Variants in PIK3CA observed in about 807,000 individuals in gnomAD.
PIK3CA encodes phosphatidylinositol-4,5-bisphosphate 3-kinase catalytic subunit alpha, also known as phosphatidylinositol 4,5-bisphosphate 3-kinase catalytic subunit alpha isoform.
Under a neutral mutation model 138.2 loss-of-function variants are expected in PIK3CA, and 27 were observed. The ratio of observed to expected loss-of-function variants is 0.20; its 90% CI spans 0.14 to 0.27. The LOEUF (loss-of-function observed/expected upper bound fraction) is 0.27, where lower values mean the gene tolerates loss of function less well. Ranked by LOEUF, PIK3CA falls within the 10% of genes least tolerant of loss-of-function variation. The probability of loss-of-function intolerance (pLI) is 1.00; values close to 1 mark genes in which losing one functional copy is unlikely to be tolerated. For missense variants in PIK3CA, 544 were observed against 1,277.4 expected, an observed-to-expected ratio of 0.43 and a Z score of 8.75; for synonymous variants, 358 against 413.2, an observed-to-expected ratio of 0.87 and a Z score of 1.62.
In PIK3CA at chr3:179,237,213, T is replaced by A. The variant is rs1187703497; in HGVS notation, c.*2849T>A. 7 of 194,332 alleles carry A rather than the reference T, an allele frequency of 3.6e-5. No individual in the cohort carries two copies. Among genetic ancestry groups the A allele is most frequent in the Admixed American group, 1.8e-4 (3 of 16,344 alleles). The allele number at this position is 194,332 out of a possible 1,614,324, so 12.0% of individuals were successfully genotyped here. On this transcript the variant is annotated 3_prime_UTR_variant, in exon 21 of 21. Coordinates refer to ENST00000263967, the MANE Select transcript of PIK3CA (RefSeq NM_006218.4). ...ACTCTTATTGTGGAATTTGTTTTTT[T>A]AAAAAAGATGTTTCTAATTGGATTT...
intron 1 of PIK3CA, among the ~76,000 whole-genome samples, 164 bp from the exon 2 acceptor site, chr3:179,198,586 A>G (rs1041100486): frequency 6.6e-6 from 1 of 152,206 alleles, no homozygotes; most frequent in Non-Finnish European, 1.5e-5. Flanking sequence ...TTTGTAGCCT[A>G]ATTTAGAGCA....
rs772671456 is a variant in PIK3CA at position 179,210,588 on chromosome 3, T to C, written c.1539+23T>C. The C allele has an allele frequency of 1.9e-6, 3 of 1,608,534 alleles. No homozygotes were observed. In the East Asian group the frequency reaches 6.7e-5, roughly 36 times the overall value. The stretch of plus-strand genomic sequence containing the variant: ...CTGGTAAGGCAAATCACTGAGTTTA[T>C]TAAGTATCAATTATAATCTGTGGAT... On this transcript the variant is annotated intron_variant, in intron 9 of 20. Coordinates refer to ENST00000263967, the MANE Select transcript of PIK3CA (RefSeq NM_006218.4).
At chr3:179,184,355 G>T (rs1723921293) in intron 1 of PIK3CA, among the ~76,000 whole-genome samples, 1 of 152,142 alleles carries the variant, frequency 6.6e-6, no homozygotes, top group African/African-American at 2.4e-5. Flanking sequence ...TATTATTTGT[G>T]CCTGGGAGTA....
chr3:179,160,737 T>C (rs1723256585), intron 1 of PIK3CA, among the ~76,000 whole-genome samples: 2 of 152,240 alleles, frequency 1.3e-5, no homozygotes, highest in Admixed American at 1.3e-4. Flanking sequence ...CAACACACAA[T>C]TTTGTACAGT....
At chr3:179,229,877 A>G in intron 18 of PIK3CA, 127 bp from the exon 19 acceptor site, 1 of 604,730 alleles carries the variant, frequency 1.7e-6, no homozygotes, top group Non-Finnish European at 2.9e-6. Flanking sequence ...TTTGGACATA[A>G]TTTCCTTATT....
At chr3:179,173,103 A>G (rs562364868) in intron 1 of PIK3CA, among the ~76,000 whole-genome samples, 1 of 152,042 alleles carries the variant, frequency 6.6e-6, no homozygotes, top group Non-Finnish European at 1.5e-5. Flanking sequence ...TGTAACATTT[A>G]TAATAATTTT....
upstream of PIK3CA, chr3:179,148,209 G>C (rs1348083439): frequency 6.6e-6 from 1 of 150,676 alleles, no homozygotes; most frequent in African/African-American, 2.5e-5. Flanking sequence ...TTCGTTGTTT[G>C]TTTACACGAT....
At chr3:179,194,990 CT>C (rs1724228482) in intron 1 of PIK3CA, among the ~76,000 whole-genome samples, 1 of 147,210 alleles carries the variant, frequency 6.8e-6, no homozygotes, top group East Asian at 2.0e-4. Flanking sequence ...AGCCTAGAGC[CT>C]GACATTAAGC....
intron 14 of PIK3CA, among the ~76,000 whole-genome samples, chr3:179,222,772 A>C (rs569546542): frequency 5.3e-5 from 8 of 152,354 alleles, no homozygotes; most frequent in Non-Finnish European, 7.3e-5. Context: ...AATTTGATGT[A>C]TAGTTTCTAC....
At chr3:179,222,585 C>T (rs933942216) in intron 14 of PIK3CA, among the ~76,000 whole-genome samples, 12 of 152,040 alleles carry the variant, frequency 7.9e-5, no homozygotes, top group African/African-American at 1.7e-4. Context: ...TGATGGGATG[C>T]GAAAACACAA....
rs774517050 is a variant in PIK3CA, at chr3:179,219,645, A to G, written c.1821A>G (p.Pro607=). 6 of 1,608,540 alleles carry G rather than the reference A, an allele frequency of 3.7e-6. No individual in the cohort carries two copies. The Admixed American group carries it at 5.0e-5, about 13-fold the overall frequency. Residue 607 remains proline (P), a synonymous_variant, in exon 12 of 21, where the codon CCA becomes CCG. Transcript: ENST00000263967. This position sits in a 1 kb window ranked among gnomAD's most constrained non-coding sequence, Gnocchi z 4.2. ...TGGAACTTCTGGACTGTAATTACCC[A>G]GATCCTATGGTTCGAGGTTTTGCTG... ...QAMELLDCNY[P]DPMVRGFAVR...
intron 1 of PIK3CA, among the ~76,000 whole-genome samples, chr3:179,192,105 G>T (rs2108379723): frequency 6.6e-6 from 1 of 152,300 alleles, no homozygotes; most frequent in East Asian, 1.9e-4. Flanking sequence ...TCTGTACTCT[G>T]CCTTGGAAAT....
In PIK3CA at chr3:179,184,821, C is replaced by T. The variant is rs1723935193; in HGVS notation, c.-76-13929C>T. Reference sequence around the variant, plus strand: ...TAACCCAAGTTTCACTTTATGATGGCAGCACTTTAAAAGTTTGGTATGAAA... The same window carrying T: ...TAACCCAAGTTTCACTTTATGATGGTAGCACTTTAAAAGTTTGGTATGAAA... On this transcript the variant is annotated intron_variant, in intron 1 of 20. Transcript: ENST00000263967. Among the ~76,000 whole-genome samples the T allele has an allele frequency of 3.3e-5, 5 of 152,128 alleles. No homozygotes were observed. The South Asian group carries it at 1.0e-3, about 31-fold the overall frequency.
chr3:179,173,798 C>T (rs182388262), intron 1 of PIK3CA, among the ~76,000 whole-genome samples: 41 of 152,098 alleles, frequency 2.7e-4, no homozygotes, highest in Admixed American at 2.7e-3. Flanking sequence ...ACAATCTCGG[C>T]ACACTGCAAC....
chr3:179,188,431 C>T (rs1414009527), intron 1 of PIK3CA, among the ~76,000 whole-genome samples: 4 of 152,182 alleles, frequency 2.6e-5, no homozygotes, highest in Admixed American at 6.5e-5. Flanking sequence ...TATTGTACTA[C>T]TGGAAAAACA....
chr3:179,161,385 A>G (rs971584721), intron 1 of PIK3CA, among the ~76,000 whole-genome samples: 13 of 152,198 alleles, frequency 8.5e-5, no homozygotes, highest in African/African-American at 3.1e-4. Flanking sequence ...AACAGAACAG[A>G]TAGGAGAAAG....
chr3:179,217,522 T>A (rs2699901), intron 9 of PIK3CA, among the ~76,000 whole-genome samples: 101,394 of 151,910 alleles, frequency 0.67, 36,047 homozygotes, highest in African/African-American at 0.91. Context: ...ATTTTTAGCC[T>A]TTTAAAAATA....
intron 20 of PIK3CA, chr3:179,233,365 T>C (rs944205922): frequency 2.5e-6 from 1 of 398,204 alleles, no homozygotes; most frequent in African/African-American, 2.1e-5. Context: ...ACTTTTATTA[T>C]TTTGAGGTAA....
rs576233763 is a variant in PIK3CA at position 179,224,271 on chromosome 3, T to C, written c.2294+84T>C. 389 of 676,704 alleles carry C rather than the reference T, an allele frequency of 5.7e-4. 2 individuals are homozygous for C. Among genetic ancestry groups the C allele is most frequent in the South Asian group, 2.9e-3 (153 of 52,326 alleles). 41.9% of individuals were successfully genotyped at this position (676,704 alleles called of 1,614,324 possible). ...TTGAGAAAAGTAAAAATGTCTGTTATAATTAGAATGTTCAATAATTTATGC... is the reference window on the plus strand; with the variant it reads ...TTGAGAAAAGTAAAAATGTCTGTTACAATTAGAATGTTCAATAATTTATGC... On this transcript the variant is annotated intron_variant, in intron 15 of 20. Coordinates refer to ENST00000263967, the MANE Select transcript of PIK3CA (RefSeq NM_006218.4).
Sources: gnomAD v4.1 joint callset for allele counts (sites outside exome capture counted in the v4.1 genomes callset) on GRCh38, gnomAD v4.1.1 for gene constraint, Gnocchi (gnomAD v3.1) non-coding constraint, MANE v1.5 for transcripts, NCBI Gene and HGNC (gene_info 2026-07-23, HGNC 2026-07-21) for gene names.